KBTBD11: variants seen among roughly 807,000 people sequenced by gnomAD.
KBTBD11 encodes kelch repeat and BTB domain-containing protein 11.
For synonymous variants in KBTBD11, 747 were observed against 499.0 expected (o/e 1.50, Z -6.63); for missense variants, 1,390 against 1,001.8 (o/e 1.39, Z -5.23).
chr8:1,977,605 C>T (rs1182665922), intron 1 of KBTBD11, among the ~76,000 whole-genome samples: 2 of 152,148 alleles, frequency 1.3e-5, no homozygotes, highest in African/African-American at 4.8e-5. Context: ...CTCACGGCAA[C>T]CTCCGCCTCC....
chr8:1,995,663 G>C (rs956344682), intron 1 of KBTBD11, among the ~76,000 whole-genome samples: 1 of 152,088 alleles, frequency 6.6e-6, no homozygotes, highest in Non-Finnish European at 1.5e-5. Context: ...TTTGGGCCTG[G>C]AGAGGAAATA....
intron 1 of KBTBD11, among the ~76,000 whole-genome samples, chr8:1,993,017 A>T (rs1202620309): frequency 6.6e-6 from 1 of 152,114 alleles, no homozygotes; most frequent in Non-Finnish European, 1.5e-5. Context: ...GACTCACTGC[A>T]GCCTTGACCT....
Position 2,002,398 on chromosome 8 carries a change from C to T in KBTBD11, c.1206C>T (p.Arg402=). The T allele has an allele frequency of 6.8e-7, 1 of 1,481,086 alleles. No individual in the cohort carries two copies. The highest frequency in any genetic ancestry group is 2.3e-5 in the Admixed American group (1 of 44,294). 91.7% of individuals were successfully genotyped at this position (1,481,086 alleles called of 1,614,324 possible). A position where few individuals can be genotyped will look rare whatever the true frequency, so the allele number is the denominator to read the frequency against. ...CCGTGAGGCCCCTGCGCCAGGCGCGCTCGCAGCTGCGGCTGCTGGCCCTGG... is the reference window on the plus strand; with the variant it reads ...CCGTGAGGCCCCTGCGCCAGGCGCGTTCGCAGCTGCGGCTGCTGGCCCTGG... ...WSAVRPLRQA[R]SQLRLLALDG... The change falls in exon 2 of 2, where the codon CGC becomes CGT. Residue 402 remains arginine (R), a synonymous_variant. Transcript: ENST00000320248. This position sits in a 1 kb window ranked among gnomAD's most constrained non-coding sequence, Gnocchi z 4.1.
chr8:1,995,079 A>G lies in KBTBD11; in HGVS notation c.-908-5206A>G, dbSNP rs1038325922. ...TTGTCTCAAAAAAAAAAAAAAAAAA[A>G]AAAGCTAAAAGAGTATATACATTGT... On this transcript the variant is annotated intron_variant, in intron 1 of 1. Coordinates refer to ENST00000320248, the MANE Select transcript of KBTBD11 (RefSeq NM_014867.3). Among the ~76,000 whole-genome samples the G allele has an allele frequency of 7.2e-5, 10 of 139,578 alleles. No homozygotes were observed. The South Asian group carries it at 9.7e-4, about 14-fold the overall frequency. 91.6% of individuals were successfully genotyped at this position (139,578 alleles called of 152,430 possible). A position where few individuals can be genotyped will look rare whatever the true frequency, so the allele number is the denominator to read the frequency against.
chr8:1,974,904 G>A (rs1050894552), intron 1 of KBTBD11: 2 of 175,342 alleles, frequency 1.1e-5, no homozygotes, highest in Non-Finnish European at 2.2e-5. Flanking sequence ...GCCGCCGTCA[G>A]ATTTTAAAGT....
At chr8:1,988,576 T>A (rs1027394659) in intron 1 of KBTBD11, among the ~76,000 whole-genome samples, 1 of 152,222 alleles carries the variant, frequency 6.6e-6, no homozygotes, top group African/African-American at 2.4e-5. Context: ...TTTTGATGAC[T>A]TTTTTCTTGT....
chr8:1,999,487 T>C (rs1817264288), intron 1 of KBTBD11, among the ~76,000 whole-genome samples: 1 of 152,188 alleles, frequency 6.6e-6, no homozygotes, highest in Non-Finnish European at 1.5e-5. Context: ...CTAAGTTTCT[T>C]CCCAGTATGT....
intron 1 of KBTBD11, among the ~76,000 whole-genome samples, chr8:1,988,802 C>T (rs1343630075): frequency 6.6e-6 from 1 of 151,958 alleles, no homozygotes; most frequent in Non-Finnish European, 1.5e-5. Flanking sequence ...CTGTCTGGCA[C>T]ATTGTAAATA....
rs1817339280 is a variant in KBTBD11 at position 2,001,306 on chromosome 8, C to A, written c.114C>A (p.Gly38=). 6.6e-7 allele frequency: 1 copy of A among 1,524,908 alleles called. No homozygotes were observed. Among genetic ancestry groups the A allele is most frequent in the Non-Finnish European group, 8.7e-7 (1 of 1,144,556 alleles). The allele number at this position is 1,524,908 out of a possible 1,614,324, so 94.5% of individuals were successfully genotyped here. A position where few individuals can be genotyped will look rare whatever the true frequency, so the allele number is the denominator to read the frequency against. ...ASPAQTPCSL[G]ASLCFSSGEE... ...CGGCGCAGACACCCTGCAGTCTCGG[C>A]GCGTCCCTGTGCTTCAGCTCCGGGG... Residue 38 remains glycine, a synonymous_variant, in exon 2 of 2, where the codon GGC becomes GGA. Transcript: ENST00000320248.
At chr8:1,977,166 C>T (rs1816375847) in intron 1 of KBTBD11, among the ~76,000 whole-genome samples, 1 of 151,912 alleles carries the variant, frequency 6.6e-6, no homozygotes. Flanking sequence ...CAGTGTGGCC[C>T]ACGGAAGCCA....
Position 2,002,226 on chromosome 8 carries a change from AGGG to A in KBTBD11, c.1035_1037del (p.Glu345_Gly346delinsAsp). The A allele has an allele frequency of 6.3e-6, 8 of 1,260,682 alleles. No individual in the cohort carries two copies. Among genetic ancestry groups the A allele is most frequent in the Non-Finnish European group, 7.9e-6 (8 of 1,008,378 alleles). The allele number at this position is 1,260,682 out of a possible 1,614,324, so 78.1% of individuals were successfully genotyped here. On this transcript the variant is annotated inframe_deletion, in exon 2 of 2. Coordinates refer to ENST00000320248, the MANE Select transcript of KBTBD11 (RefSeq NM_014867.3). This position sits in a 1 kb window ranked among gnomAD's most constrained non-coding sequence, Gnocchi z 4.1. ...TGGCGCGAGCTGACGCGGCTGCCCG[AGGG>A]CGCGCCGGCGCGGGGCTGCGGCCTG...
intron 1 of KBTBD11, among the ~76,000 whole-genome samples, chr8:1,998,424 A>G (rs1431005515): frequency 3.3e-5 from 5 of 152,230 alleles, no homozygotes; most frequent in Non-Finnish European, 1.5e-5. Flanking sequence ...AACTGATTTC[A>G]TAGGACTTTG....
rs984807120 is a variant in KBTBD11, at chr8:2,003,156, G to C, written c.*92G>C. 27 of 1,246,804 alleles carry C rather than the reference G, an allele frequency of 2.2e-5. No individual in the cohort carries two copies. The highest frequency in any genetic ancestry group is 5.1e-6 in the Non-Finnish European group (5 of 988,406). The allele number at this position is 1,246,804 out of a possible 1,614,324, so 77.2% of individuals were successfully genotyped here. ...GGAGGAGGACGTGGTGGGGAGTCGG[G>C]GCCGCTGGCCACGCTGGTGGTTTGG... On this transcript the variant is annotated 3_prime_UTR_variant, in exon 2 of 2. Coordinates refer to ENST00000320248, the MANE Select transcript of KBTBD11 (RefSeq NM_014867.3).
chr8:2,003,036 C>A lies in KBTBD11; in HGVS notation c.1844C>A (p.Pro615Gln). ...IPFALSLPEK[P>Q]PRGEQGAP ...TTCGCTCTCAGCCTGCCTGAGAAGCCGCCCCGAGGGGAGCAGGGCGCCCCG... is the reference window on the plus strand; with the variant it reads ...TTCGCTCTCAGCCTGCCTGAGAAGCAGCCCCGAGGGGAGCAGGGCGCCCCG... The change falls in exon 2 of 2, where the codon CCG becomes CAG. Residue 615 changes from proline (P) to glutamine (Q), a missense_variant. Pro to Gln is a moderately conservative substitution (Grantham distance 76). Coordinates refer to ENST00000320248, the MANE Select transcript of KBTBD11 (RefSeq NM_014867.3). 1 of 1,273,228 alleles carries A rather than the reference C, an allele frequency of 7.9e-7. No homozygotes were observed. The highest frequency in any genetic ancestry group is 9.9e-7 in the Non-Finnish European group (1 of 1,008,298). The allele number at this position is 1,273,228 out of a possible 1,614,324, so 78.9% of individuals were successfully genotyped here.
At chr8:1,977,841 C>T (rs1050817240) in intron 1 of KBTBD11, among the ~76,000 whole-genome samples, 1 of 152,098 alleles carries the variant, frequency 6.6e-6, no homozygotes, top group Non-Finnish European at 1.5e-5. Flanking sequence ...CAGCTCAGAG[C>T]AATTATTTTT....
At chr8:1,984,467 T>G (rs1816646726) in intron 1 of KBTBD11, among the ~76,000 whole-genome samples, 1 of 151,892 alleles carries the variant, frequency 6.6e-6, no homozygotes, top group Non-Finnish European at 1.5e-5. Context: ...TTTTGTGTTT[T>G]TAGTAGAGAC....
chr8:1,983,047 G>A (rs1028594323), intron 1 of KBTBD11, among the ~76,000 whole-genome samples: 1 of 152,130 alleles, frequency 6.6e-6, no homozygotes, highest in Non-Finnish European at 1.5e-5. Flanking sequence ...GTGAGGCTTG[G>A]TTTAGATAAT....
At chr8:1,999,350 T>C (rs1817260169) in intron 1 of KBTBD11, among the ~76,000 whole-genome samples, 1 of 152,182 alleles carries the variant, frequency 6.6e-6, no homozygotes, top group African/African-American at 2.4e-5. Flanking sequence ...ATTTTACCCA[T>C]CTCACTTGAG....
At position 2,001,766 on chromosome 8, in the gene KBTBD11, TACAGCGGGCGC is replaced by T; in HGVS notation, c.576_586del (p.Ser193GlyfsTer255). The stretch of plus-strand genomic sequence containing the variant: ...GCTGCGGCTGCTCCTCGCCGACGCC[TACAGCGGGCGC>T]ATGGCGGGCGTGCGGCCCGACAACG... On this transcript the variant is annotated frameshift_variant, in exon 2 of 2. Transcript: ENST00000320248. LOFTEE classifies it low-confidence loss of function (END_TRUNC). 7.7e-7 allele frequency: 1 copy of T among 1,290,806 alleles called. No homozygotes were observed. The highest frequency in any genetic ancestry group is 9.8e-7 in the Non-Finnish European group (1 of 1,022,084). The allele number at this position is 1,290,806 out of a possible 1,614,324, so 80.0% of individuals were successfully genotyped here.
Sources: allele counts gnomAD v4.1 joint callset (sites outside exome capture counted in the v4.1 genomes callset), GRCh38; gene constraint gnomAD v4.1.1; non-coding constraint Gnocchi (gnomAD v3.1); transcripts MANE v1.5; gene names NCBI Gene and HGNC (gene_info 2026-07-23, HGNC 2026-07-21).